Variants in PDLIM5 observed in about 807,000 individuals in gnomAD.
PDLIM5 encodes the protein PDZ and LIM domain protein 5.
PDLIM5 carries 34 observed loss-of-function variants against 64.2 expected under a neutral mutation model. The observed-to-expected ratio is 0.53, with a 90% confidence interval of 0.40 to 0.71. The LOEUF (loss-of-function observed/expected upper bound fraction) is 0.71. PDLIM5 is among the 30% of genes least tolerant of loss of function. The pLI is 0.00. For synonymous variants in PDLIM5, 253 were observed against 269.1 expected (o/e 0.94, Z 0.59); for missense variants, 683 against 733.6 (o/e 0.93, Z 0.80).
At chr4:94,597,408 A>G (rs1737148882) in intron 7 of PDLIM5, among the ~76,000 whole-genome samples, 1 of 152,172 alleles carries the variant, frequency 6.6e-6, no homozygotes, top group African/African-American at 2.4e-5. Flanking sequence ...CACCAACAGT[A>G]AAACCAAAAA....
At chr4:94,610,960 C>T (rs974839246) in intron 7 of PDLIM5, 13 of 759,624 alleles carry the variant, frequency 1.7e-5, no homozygotes, top group Non-Finnish European at 2.6e-5. Context: ...CTCTCTCTCC[C>T]CACCCTCTCT....
intron 2 of PDLIM5, chr4:94,455,860 A>T (rs1308165047): frequency 7.2e-7 from 1 of 1,381,502 alleles, no homozygotes; most frequent in Non-Finnish European, 9.9e-7. Context: ...TAAGATGGCC[A>T]AAAGCTACTT....
chr4:94,615,894 T>A (rs546504002), intron 7 of PDLIM5, among the ~76,000 whole-genome samples: 1 of 152,302 alleles, frequency 6.6e-6, no homozygotes, highest in Non-Finnish European at 1.5e-5. Context: ...AGGTCAGACA[T>A]TTGAGGATGG....
At chr4:94,469,985 GAGACAGA>G (rs1724712902) in intron 2 of PDLIM5, among the ~76,000 whole-genome samples, 1 of 32,448 alleles carries the variant, frequency 3.1e-5, no homozygotes, top group African/African-American at 1.3e-4. Flanking sequence ...TTTTTTTTTT[GAGACAGA>G]GTCTCACTCT....
chr4:94,535,831 TCC>T (rs1409175544), intron 3 of PDLIM5, among the ~76,000 whole-genome samples: 1 of 110,578 alleles, frequency 9.0e-6, no homozygotes, highest in Non-Finnish European at 1.8e-5. Flanking sequence ...TTACATAAGG[TCC>T]TCTTTTTTTT....
At chr4:94,609,301 C>T (rs965748728) in intron 7 of PDLIM5, among the ~76,000 whole-genome samples, 1 of 152,124 alleles carries the variant, frequency 6.6e-6, no homozygotes, top group Non-Finnish European at 1.5e-5. Context: ...TCACACTATA[C>T]GTTTATACAC....
Position 94,495,369 on chromosome 4 carries a change from T to C in PDLIM5, c.97-28355T>C, listed in dbSNP as rs145982626. Among the ~76,000 whole-genome samples, 25 of 152,334 alleles carry C rather than the reference T, an allele frequency of 1.6e-4. 1 individual carries two copies. Among genetic ancestry groups the C allele is most frequent in the African/African-American group, 6.0e-4 (25 of 41,572 alleles). On this transcript the variant is annotated intron_variant, in intron 2 of 12. Coordinates refer to ENST00000317968, the MANE Select transcript of PDLIM5 (RefSeq NM_006457.5). ...CTGTGTAAGCATGGTATTTTACTGT[T>C]TAAAATTGTAAAGTATCCTGTTAAA...
rs376429662 is a variant in PDLIM5, at chr4:94,569,120, C to T, written c.249-4231C>T. On this transcript the variant is annotated intron_variant, in intron 3 of 12. Coordinates refer to ENST00000317968, the MANE Select transcript of PDLIM5 (RefSeq NM_006457.5). ...ACCTATATGGAATAAGTGCCCTTCC[C>T]ACAAAATGGCCCCCTCCACAGTGAG... 1.6e-4 allele frequency among the ~76,000 whole-genome samples: 24 copies of T among 152,218 alleles called. 1 individual carries two copies. The highest frequency in any genetic ancestry group is 5.8e-4 in the African/African-American group (24 of 41,532).
At chr4:94,472,771 T>G (rs1284047798) in intron 2 of PDLIM5, among the ~76,000 whole-genome samples, 2 of 152,210 alleles carry the variant, frequency 1.3e-5, no homozygotes, top group African/African-American at 4.8e-5. Flanking sequence ...TGAAATAAAT[T>G]ATAAAATTTA....
chr4:94,647,888 T>G (rs1741542823), intron 9 of PDLIM5, among the ~76,000 whole-genome samples: 1 of 151,924 alleles, frequency 6.6e-6, no homozygotes, highest in Non-Finnish European at 1.5e-5. Flanking sequence ...TATGTAGAAA[T>G]TAAAAAACAC....
intron 2 of PDLIM5, among the ~76,000 whole-genome samples, chr4:94,523,493 G>A (rs1201335206): frequency 7.9e-5 from 12 of 152,054 alleles, no homozygotes; most frequent in Admixed American, 7.9e-4. Context: ...ATCTTTCTCA[G>A]AAAATTCAGT....
intron 8 of PDLIM5, among the ~76,000 whole-genome samples, chr4:94,620,879 C>T (rs1418166996): frequency 6.6e-6 from 1 of 151,488 alleles, no homozygotes; most frequent in South Asian, 2.1e-4. Context: ...ATCAAGATCA[C>T]CTGATGGGTA....
chr4:94,564,004 C>T (rs1419293968), intron 3 of PDLIM5, among the ~76,000 whole-genome samples: 1 of 143,596 alleles, frequency 7.0e-6, no homozygotes, highest in Non-Finnish European at 1.5e-5. Flanking sequence ...TACTCTGTCT[C>T]CCAGGCTGAA....
Position 94,649,100 on chromosome 4 carries a change from C to T in PDLIM5, c.1284-5360C>T, listed in dbSNP as rs144348493. Among the ~76,000 whole-genome samples the T allele has an allele frequency of 7.9e-5, 12 of 152,056 alleles. No individual in the cohort carries two copies. The South Asian group carries it at 8.3e-4, about 11-fold the overall frequency. ...AAGCGATTCCCCTGCCTCAGCCTCC[C>T]GAATAGCTAAGACCACGGGCACGTG... On this transcript the variant is annotated intron_variant, in intron 9 of 12. Transcript: ENST00000317968.
chr4:94,632,814 G>A (rs780207257), intron 8 of PDLIM5, among the ~76,000 whole-genome samples: 3 of 152,110 alleles, frequency 2.0e-5, no homozygotes, highest in Non-Finnish European at 4.4e-5. Context: ...AGGTGGAAGG[G>A]GCTTTGAACC....
intron 2 of PDLIM5, among the ~76,000 whole-genome samples, chr4:94,490,666 A>G (rs1726790095): frequency 6.6e-6 from 1 of 152,154 alleles, no homozygotes; most frequent in South Asian, 2.1e-4. Flanking sequence ...TAAATGTTAA[A>G]TGATAGCAGA....
chr4:94,552,713 A>G lies in PDLIM5; in HGVS notation c.249-20638A>G, dbSNP rs190797176. The stretch of plus-strand genomic sequence containing the variant: ...ATGACATTTTTCATAAGAAAAAAAT[A>G]TAAGTAGAATCATAGAGAAGGATAA... On this transcript the variant is annotated intron_variant, in intron 3 of 12. Coordinates refer to ENST00000317968, the MANE Select transcript of PDLIM5 (RefSeq NM_006457.5). Among the ~76,000 whole-genome samples, 98 of 152,312 alleles carry G rather than the reference A, an allele frequency of 6.4e-4. 1 individual carries two copies. The highest frequency in any genetic ancestry group is 1.9e-4 in the Non-Finnish European group (13 of 68,014).
At chr4:94,550,045 T>C (rs1197480495) in intron 3 of PDLIM5, 1 of 152,182 alleles carries the variant, frequency 6.6e-6, no homozygotes, top group East Asian at 1.9e-4. Flanking sequence ...GTCAGTGGTA[T>C]AGTATCCAGC....
intron 8 of PDLIM5, among the ~76,000 whole-genome samples, chr4:94,624,830 G>GT (rs1252939239): frequency 6.6e-6 from 1 of 152,156 alleles, no homozygotes; most frequent in Non-Finnish European, 1.5e-5. Context: ...GGTTTTGAAT[G>GT]TAAGAGTGTG....
Sources: allele counts gnomAD v4.1 joint callset (sites outside exome capture counted in the v4.1 genomes callset), GRCh38; gene constraint gnomAD v4.1.1; transcripts MANE v1.5; gene names NCBI Gene and HGNC (gene_info 2026-07-23, HGNC 2026-07-21).